Variants in UNC79 observed in about 807,000 individuals in gnomAD.
UNC79 encodes the protein protein unc-79 homolog.
UNC79 carries 37 observed loss-of-function variants against 283.1 expected under a neutral mutation model. That is an observed-to-expected ratio of 0.13 (90% CI 0.10 to 0.17). The LOEUF (loss-of-function observed/expected upper bound fraction) is 0.17. Ranked by LOEUF, UNC79 falls within the 10% of genes least tolerant of loss-of-function variation. UNC79 has a pLI of 1.00. For missense variants in UNC79, 2,272 were observed against 3,211.1 expected (o/e 0.71, Z 7.07); for synonymous variants, 1,107 against 1,200.2 (o/e 0.92, Z 1.61).
exon 30 of UNC79, chr14:93,622,082 G>A: frequency 6.2e-7 from 1 of 1,614,030 alleles, no homozygotes; most frequent in Non-Finnish European, 8.5e-7. Context: ...TTCAACCTCG[G>A]GGCCTGAAAA....
chr14:93,532,436 C>A, intron 10 of UNC79, 114 bp from the exon 11 acceptor site: 1 of 1,292,542 alleles, frequency 7.7e-7, no homozygotes, highest in South Asian at 1.5e-5. Flanking sequence ...TGCCATTGCA[C>A]TCCAGCCTGA....
intron 48 of UNC79, among the ~76,000 whole-genome samples, chr14:93,705,391 C>T (rs2075812601): frequency 6.6e-6 from 1 of 150,444 alleles, no homozygotes; most frequent in East Asian, 1.9e-4. Context: ...GCATACCGAC[C>T]CCTTGGAGGA....
chr14:93,357,710 T>G (rs1317026096), intron 1 of UNC79, among the ~76,000 whole-genome samples: 2 of 126,544 alleles, frequency 1.6e-5, no homozygotes, highest in African/African-American at 3.1e-5. Context: ...TATATATATA[T>G]ATATATATAT....
chr14:93,693,055 A>G (rs1219332988), intron 46 of UNC79, among the ~76,000 whole-genome samples: 2 of 152,100 alleles, frequency 1.3e-5, no homozygotes, highest in Admixed American at 6.5e-5. Context: ...TCTAAGAAGT[A>G]TTTTCTTTTG....
chr14:93,546,565 C>T (rs1324825386), intron 14 of UNC79, among the ~76,000 whole-genome samples: 1 of 152,184 alleles, frequency 6.6e-6, no homozygotes, highest in Non-Finnish European at 1.5e-5. Context: ...AGATATATTT[C>T]ATGTTTGTTT....
At chr14:93,404,714 A>G (rs896405401) in intron 1 of UNC79, among the ~76,000 whole-genome samples, 1 of 151,116 alleles carries the variant, frequency 6.6e-6, no homozygotes, top group Non-Finnish European at 1.5e-5. Flanking sequence ...AAGCTTAAGT[A>G]TATCAGAATA....
At chr14:93,579,750 C>A (rs1595930499) in intron 18 of UNC79, among the ~76,000 whole-genome samples, 1 of 152,316 alleles carries the variant, frequency 6.6e-6, no homozygotes, top group Admixed American at 6.5e-5. Flanking sequence ...GGAATTCAGC[C>A]ATTTCTCCAA....
At chr14:93,547,514 A>G (rs2061660576) in intron 14 of UNC79, among the ~76,000 whole-genome samples, 1 of 152,246 alleles carries the variant, frequency 6.6e-6, no homozygotes, top group South Asian at 2.1e-4. Context: ...TGATTAACCA[A>G]CATTACAGGT....
rs145369418 is a variant in UNC79, at chr14:93,670,093, C to T, written c.6637-3258C>T. 3.4e-3 allele frequency among the ~76,000 whole-genome samples: 512 copies of T among 152,102 alleles called. 4 individuals are homozygous for T. The highest frequency in any genetic ancestry group is 0.011 in the African/African-American group (473 of 41,542). On this transcript the variant is annotated intron_variant, in intron 40 of 48. Transcript: ENST00000555664. ...TCTGGGAGGTGATTACATGAGTGTTCGGTCCATCTTCTGAGACTGGAAAAA... is the reference window on the plus strand; with the variant it reads ...TCTGGGAGGTGATTACATGAGTGTTTGGTCCATCTTCTGAGACTGGAAAAA...
chr14:93,585,348 G>C (rs542904292), intron 20 of UNC79, among the ~76,000 whole-genome samples: 1 of 152,302 alleles, frequency 6.6e-6, no homozygotes, highest in Non-Finnish European at 1.5e-5. Flanking sequence ...GAATTCAGGG[G>C]TGCTCTGTCG....
intron 2 of UNC79, among the ~76,000 whole-genome samples, chr14:93,468,775 C>G (rs2057349535): frequency 6.6e-6 from 1 of 152,142 alleles, no homozygotes; most frequent in Non-Finnish European, 1.5e-5. Flanking sequence ...AATATCTTTC[C>G]TTCTTTAGAG....
At chr14:93,572,942 G>A in intron 16 of UNC79, 126 bp downstream of exon 16, 1 of 1,248,338 alleles carries the variant, frequency 8.0e-7, no homozygotes, top group Non-Finnish European at 1.1e-6. Flanking sequence ...CCAAGAAAGT[G>A]TATCTCCTAT....
intron 1 of UNC79, among the ~76,000 whole-genome samples, chr14:93,460,058 G>T (rs1444132168): frequency 8.2e-6 from 1 of 121,832 alleles, no homozygotes. Flanking sequence ...GCCGGGCGCG[G>T]TGGCTCACGC....
chr14:93,391,889 A>G (rs912579603), intron 1 of UNC79, among the ~76,000 whole-genome samples: 2 of 152,254 alleles, frequency 1.3e-5, no homozygotes, highest in African/African-American at 4.8e-5. Flanking sequence ...AGTGAATTGC[A>G]AACTAAAAGA....
intron 1 of UNC79, among the ~76,000 whole-genome samples, chr14:93,356,020 A>G (rs2054078985): frequency 7.3e-6 from 1 of 137,062 alleles, no homozygotes; most frequent in African/African-American, 2.8e-5. Context: ...ATCTATTACT[A>G]GTGTACTTTT....
chr14:93,640,774 T>G (rs149400509), intron 32 of UNC79, among the ~76,000 whole-genome samples: 1 of 152,244 alleles, frequency 6.6e-6, no homozygotes, highest in African/African-American at 2.4e-5. Flanking sequence ...CAGTATCATA[T>G]GGGAAGTTTC....
At chr14:93,359,905 T>A (rs781430627) in intron 1 of UNC79, among the ~76,000 whole-genome samples, 5 of 152,204 alleles carry the variant, frequency 3.3e-5, no homozygotes, top group Non-Finnish European at 7.4e-5. Context: ...TCCAGCCTTT[T>A]ACCAGGGTAA....
chr14:93,608,938 C>G (rs1296212446), intron 26 of UNC79, among the ~76,000 whole-genome samples: 18 of 152,170 alleles, frequency 1.2e-4, no homozygotes, highest in African/African-American at 3.6e-4. Flanking sequence ...TAAAATATGT[C>G]ATTTGCCTTC....
rs148393587 is a variant in UNC79 at position 93,580,174 on chromosome 14, C to T, written c.2459C>T (p.Thr820Met). 4.2e-5 allele frequency: 67 copies of T among 1,613,396 alleles called. No homozygotes were observed. The highest frequency in any genetic ancestry group is 2.9e-4 in the African/African-American group (22 of 74,828). The stretch of plus-strand genomic sequence containing the variant: ...ATGGAGTTACAAGATGATGGAATCA[C>T]GATGGGTTTAGAGCACAGCTTATCA... The change falls in exon 19 of 49, where the codon ACG (threonine) becomes ATG (methionine). Residue 820 changes from threonine (T) to methionine (M), a missense_variant. Thr to Met is a moderately conservative substitution (Grantham distance 81, BLOSUM62 -1). Coordinates refer to ENST00000555664, the Ensembl canonical transcript of UNC79.
Sources: allele counts gnomAD v4.1 joint callset (sites outside exome capture counted in the v4.1 genomes callset), GRCh38; gene constraint gnomAD v4.1.1; transcripts MANE v1.5; gene names NCBI Gene and HGNC (gene_info 2026-07-23, HGNC 2026-07-21).